The following RPN1 variants were observed in gnomAD, a reference collection of about 807,000 sequenced individuals.
The protein encoded by RPN1 is dolichyl-diphosphooligosaccharide--protein glycosyltransferase subunit 1.
In RPN1, 12 loss-of-function variants were observed where a neutral mutation model predicts 55.5. The observed-to-expected ratio is 0.22, with a 90% CI of 0.14 to 0.35. The LOEUF is 0.35. Ranked by LOEUF, RPN1 falls within the 10% of genes least tolerant of loss-of-function variation. The probability of loss-of-function intolerance (pLI) is 1.00; values close to 1 mark genes in which losing one functional copy is unlikely to be tolerated. For synonymous variants in RPN1, 317 were observed against 305.9 expected (o/e 1.04, Z -0.38); for missense variants, 679 against 761.3 (o/e 0.89, Z 1.27).
Position 128,625,529 on chromosome 3 carries a change from G to T in RPN1, c.1395+5C>A. The stretch of plus-strand genomic sequence containing the variant: ...TGACAAGCAGGAAGAAGGCAGAGAC[G>T]GTACCTTGGTGATGGAGAAGTCCAG... On this transcript the variant is annotated splice_donor_5th_base_variant and intron_variant, in intron 8 of 9. Coordinates refer to ENST00000296255, the MANE Select transcript of RPN1 (RefSeq NM_002950.4). The T allele has an allele frequency of 6.2e-7, 1 of 1,613,984 alleles. No individual in the cohort carries two copies. The highest frequency in any genetic ancestry group is 8.5e-7 in the Non-Finnish European group (1 of 1,179,988).
At chr3:128,621,918 C>A (rs1210199673) in intron 9 of RPN1, among the ~76,000 whole-genome samples, 5 of 152,220 alleles carry the variant, frequency 3.3e-5, no homozygotes, top group Non-Finnish European at 7.3e-5. Context: ...ACTCTCAATA[C>A]TGGCCACAAG....
chr3:128,632,280 A>G, intron 3 of RPN1, 123 bp from the exon 4 acceptor site: 1 of 745,604 alleles, frequency 1.3e-6, no homozygotes, highest in East Asian at 2.7e-5. Flanking sequence ...TGATGTATCT[A>G]ACGTATGCAA....
At position 128,635,690 on chromosome 3, in the gene RPN1, T is replaced by TACACACACAC. The variant is rs71153135; in HGVS notation, c.633+2099_633+2108dup. Among the ~76,000 whole-genome samples, 145 of 138,276 alleles carry TACACACACAC rather than the reference T, an allele frequency of 1.0e-3. 1 individual carries two copies. Among genetic ancestry groups the TACACACACAC allele is most frequent in the African/African-American group, 2.9e-3 (105 of 36,758 alleles). 90.7% of individuals were successfully genotyped at this position (138,276 alleles called of 152,430 possible). On this transcript the variant is annotated intron_variant, in intron 3 of 9. Coordinates refer to ENST00000296255, the MANE Select transcript of RPN1 (RefSeq NM_002950.4). The stretch of plus-strand genomic sequence containing the variant: ...AGATATCTATAGATATCTATAGATA[T>TACACACACAC]ACACACACACACACACACACACACA...
At position 128,631,815 on chromosome 3, in the gene RPN1, T is replaced by G. The variant is rs189808013; in HGVS notation, c.843+133A>C. The G allele has an allele frequency of 2.2e-5, 20 of 895,892 alleles. No homozygotes were observed. The Admixed American group carries it at 4.6e-4, about 21-fold the overall frequency. 55.5% of individuals were successfully genotyped at this position (895,892 alleles called of 1,614,324 possible). A position where few individuals can be genotyped will look rare whatever the true frequency, so the allele number is the denominator to read the frequency against. ...TTAAGATTCTGTTGGTTTCTAACAC[T>G]GCCAATCAACAAGATGAACATCAGT... On this transcript the variant is annotated intron_variant, in intron 4 of 9. Coordinates refer to ENST00000296255, the MANE Select transcript of RPN1 (RefSeq NM_002950.4).
intron 2 of RPN1, 191 bp downstream of exon 2, chr3:128,644,728 G>A: frequency 1.5e-6 from 1 of 653,874 alleles, no homozygotes; most frequent in Non-Finnish European, 2.8e-6. Context: ...AGAGGCCAAG[G>A]TAGAAGGATG....
intron 3 of RPN1, among the ~76,000 whole-genome samples, chr3:128,633,995 TAAAC>T (rs746177698): frequency 1.1e-4 from 16 of 147,142 alleles, no homozygotes; most frequent in Admixed American, 1.4e-4. Context: ...AAAAAACAAA[TAAAC>T]AAACAAAAAC....
intron 2 of RPN1, 86 bp from the exon 3 acceptor site, chr3:128,638,191 G>T (rs1576797372): frequency 2.0e-6 from 2 of 988,554 alleles, no homozygotes; most frequent in Non-Finnish European, 3.0e-6. Flanking sequence ...ACAAAATTTT[G>T]AACCAAAGAC....
chr3:128,627,533 G>C (rs143780550), intron 5 of RPN1, among the ~76,000 whole-genome samples: 1 of 152,272 alleles, frequency 6.6e-6, no homozygotes, highest in Non-Finnish European at 1.5e-5. Context: ...TACTTTGGGA[G>C]GCAGAGGCAG....
chr3:128,646,005 G>A (rs1401209836), intron 1 of RPN1, among the ~76,000 whole-genome samples: 1 of 151,844 alleles, frequency 6.6e-6, no homozygotes. Flanking sequence ...AGCACTTTGG[G>A]AGGCCAAGGT....
intron 5 of RPN1, among the ~76,000 whole-genome samples, chr3:128,628,415 T>C (rs2069616876): frequency 6.7e-6 from 1 of 150,286 alleles, no homozygotes; most frequent in Admixed American, 6.6e-5. Flanking sequence ...CAACAAATAA[T>C]AATGCTTTAA....
rs898037339 is a variant in RPN1 at position 128,649,205 on chromosome 3, T to C, written c.261+1335A>G. Among the ~76,000 whole-genome samples the C allele has an allele frequency of 2.0e-5, 3 of 152,156 alleles. No homozygotes were observed. In the South Asian group the frequency reaches 6.2e-4, roughly 31 times the overall value. On this transcript the variant is annotated intron_variant, in intron 1 of 9. Transcript: ENST00000296255. ...TACTAATAATAGGCAGTTTTTTGTA[T>C]ACCAATTATACCTCAATAAAGTTGG...
intron 2 of RPN1, among the ~76,000 whole-genome samples, chr3:128,640,029 GGGCGTGGTGGCA>G (rs1576797994): frequency 6.6e-6 from 1 of 151,994 alleles, no homozygotes; most frequent in Non-Finnish European, 1.5e-5. Context: ...AAAATTAGCC[GGGCGTGGTGGCA>G]GGCGCCTGTA....
At chr3:128,632,901 C>T (rs530548580) in intron 3 of RPN1, among the ~76,000 whole-genome samples, 2 of 152,112 alleles carry the variant, frequency 1.3e-5, no homozygotes, top group South Asian at 2.1e-4. Flanking sequence ...AGCAAGCCAT[C>T]GTGCCCAGCC....
chr3:128,622,168 T>C lies in RPN1; in HGVS notation c.1637A>G (p.Asp546Gly). The change falls in exon 9 of 10, where the codon GAC becomes GGC. Residue 546 changes from aspartate to glycine, a missense_variant. This residue lies in a region of RPN1 where 306 missense variants were observed against 360.0 expected (regional missense o/e 0.85). Coordinates refer to ENST00000296255, the MANE Select transcript of RPN1 (RefSeq NM_002950.4). ...TCTGTGACGCCCGACACTTACTCTG[T>C]CGCACAGATCAGAGCCCTCTGTCTT... ...RLKTEGSDLC[D>G]RVSEMQKLDA... 1 of 1,614,148 alleles carries C rather than the reference T, an allele frequency of 6.2e-7. No homozygotes were observed. The highest frequency in any genetic ancestry group is 8.5e-7 in the Non-Finnish European group (1 of 1,179,994).
chr3:128,648,278 C>A (rs972775909), intron 1 of RPN1, among the ~76,000 whole-genome samples: 1 of 152,114 alleles, frequency 6.6e-6, no homozygotes, highest in African/African-American at 2.4e-5. Flanking sequence ...GCCTGTAGTC[C>A]CAGCTACTCC....
At chr3:128,627,787 AAG>A (rs1491251010) in intron 5 of RPN1, among the ~76,000 whole-genome samples, 2 of 4,274 alleles carry the variant, frequency 4.7e-4, no homozygotes, top group Non-Finnish European at 1.2e-3. Context: ...AAAAAAAAAA[AAG>A]ATTAAGTTAT....
intron 5 of RPN1, chr3:128,627,086 G>A: frequency 4.4e-6 from 2 of 459,140 alleles, no homozygotes; most frequent in Admixed American, 3.4e-5. Context: ...AGAACGCAGA[G>A]AGAAGAAACA....
At chr3:128,639,478 A>G (rs2069709037) in intron 2 of RPN1, among the ~76,000 whole-genome samples, 1 of 151,378 alleles carries the variant, frequency 6.6e-6, no homozygotes, top group African/African-American at 2.4e-5. Flanking sequence ...AAAAAAATGA[A>G]TGAATGTAAA....
intron 3 of RPN1, among the ~76,000 whole-genome samples, chr3:128,637,068 C>T (rs1009341876): frequency 6.6e-6 from 1 of 151,996 alleles, no homozygotes; most frequent in Non-Finnish European, 1.5e-5. Flanking sequence ...AAGATCCCGT[C>T]TCTACAACAA....
Sources: gnomAD v4.1 joint callset for allele counts (sites outside exome capture counted in the v4.1 genomes callset) on GRCh38, gnomAD v4.1.1 for gene constraint, gnomAD v4.1.1 regional missense constraint, MANE v1.5 for transcripts, NCBI Gene and HGNC (gene_info 2026-07-23, HGNC 2026-07-21) for gene names.